Variants in ADAMTSL3 observed in about 807,000 individuals in gnomAD.
The protein encoded by ADAMTSL3 is ADAMTS like 3.
A neutral mutation model predicts 201.7 loss-of-function variants in ADAMTSL3; 128 were observed. That is an observed-to-expected ratio of 0.63 (90% CI 0.55 to 0.73). The LOEUF is 0.73. Among genes scored for constraint, ADAMTSL3 ranks in the 30% least tolerant of loss-of-function variants. The pLI is 0.00. For missense variants in ADAMTSL3, 1,990 were observed against 2,119.6 expected (o/e 0.94, Z 1.20); for synonymous variants, 738 against 748.4 (o/e 0.99, Z 0.23).
chr15:83,950,338 G>T (rs1039609848), intron 19 of ADAMTSL3, among the ~76,000 whole-genome samples: 3 of 151,916 alleles, frequency 2.0e-5, no homozygotes, highest in Non-Finnish European at 4.4e-5. Flanking sequence ...TTATCTCTGG[G>T]ATCTCTACTC....
intron 27 of ADAMTSL3, among the ~76,000 whole-genome samples, chr15:84,029,953 G>A (rs1169821223): frequency 1.3e-5 from 2 of 152,258 alleles, no homozygotes; most frequent in African/African-American, 2.4e-5. Flanking sequence ...TACACATGGT[G>A]TTGGGCCTGC....
At chr15:83,846,500 G>A (rs1196533547) in intron 7 of ADAMTSL3, among the ~76,000 whole-genome samples, 2 of 152,238 alleles carry the variant, frequency 1.3e-5, no homozygotes, top group Non-Finnish European at 2.9e-5. Context: ...AACAAAGATA[G>A]CACAGAAATG....
chr15:84,037,781 G>A lies in ADAMTSL3; in HGVS notation c.5051G>A (p.Cys1684Tyr). The A allele has an allele frequency of 6.2e-7, 1 of 1,613,938 alleles. No individual in the cohort carries two copies. The highest frequency in any genetic ancestry group is 8.5e-7 in the Non-Finnish European group (1 of 1,179,964). The change falls in exon 30 of 30, where the codon TGC becomes TAC. Residue 1684 changes from cysteine (C) to tyrosine (Y), a missense_variant. Coordinates refer to ENST00000286744, the MANE Select transcript of ADAMTSL3 (RefSeq NM_207517.3). ...TCTCTAGACCGCTACAAACAAAGGT[G>A]CTGCCAGTCATGTCAAGAGGGATAA... ...LCSLDRYKQR[C>Y]CQSCQEG
At position 83,980,903 on chromosome 15, in the gene ADAMTSL3, C is replaced by T. The variant is rs548794221; in HGVS notation, c.2645-1370C>T. On this transcript the variant is annotated intron_variant, in intron 20 of 29. Coordinates refer to ENST00000286744, the MANE Select transcript of ADAMTSL3 (RefSeq NM_207517.3). ...GTACCAGTAAACACACTGTAGCCAG[C>T]GCCAAGGGCCTGAGAAGGCTATGAA... 2.0e-5 allele frequency among the ~76,000 whole-genome samples: 3 copies of T among 152,294 alleles called. No individual in the cohort carries two copies. In the South Asian group the frequency reaches 6.2e-4, roughly 32 times the overall value.
At chr15:83,952,659 C>T (rs369660998) in intron 19 of ADAMTSL3, among the ~76,000 whole-genome samples, 24 of 151,942 alleles carry the variant, frequency 1.6e-4, no homozygotes, top group Admixed American at 1.2e-3. Context: ...TGTCATATCC[C>T]GCCAGGCGTG....
intron 3 of ADAMTSL3, among the ~76,000 whole-genome samples, chr15:83,736,176 G>A (rs1379923760): frequency 1.3e-5 from 2 of 152,126 alleles, no homozygotes; most frequent in African/African-American, 4.8e-5. Context: ...GATTACACTG[G>A]ATTTTTCTGT....
intron 3 of ADAMTSL3, among the ~76,000 whole-genome samples, chr15:83,747,776 A>G (rs928681235): frequency 1.3e-5 from 2 of 152,010 alleles, no homozygotes; most frequent in African/African-American, 2.4e-5. Flanking sequence ...CCAAACATCC[A>G]TTGCTCTCTG....
intron 21 of ADAMTSL3, among the ~76,000 whole-genome samples, chr15:83,986,261 G>A (rs2067473250): frequency 6.6e-6 from 1 of 152,188 alleles, no homozygotes; most frequent in East Asian, 1.9e-4. Flanking sequence ...CAAGGTTGAA[G>A]TGATCTGTTG....
chr15:83,983,158 CTGTTCTCA>C lies in ADAMTSL3; in HGVS notation c.3533_3540del (p.Val1178GlufsTer11). On this transcript the variant is annotated frameshift_variant, in exon 21 of 30. Coordinates refer to ENST00000286744, the MANE Select transcript of ADAMTSL3 (RefSeq NM_207517.3). LOFTEE classifies it high-confidence loss of function. ...AAGCTGACATTCAAGCCGAAAGGAC[CTGTTCTCA>C]TGAGGCAAAGCCAACCTCCCTCAAT... 1 of 1,613,776 alleles carries C rather than the reference CTGTTCTCA, an allele frequency of 6.2e-7. No homozygotes were observed. Among genetic ancestry groups the C allele is most frequent in the East Asian group, 2.2e-5 (1 of 44,872 alleles).
chr15:83,985,113 A>G (rs150544270), intron 21 of ADAMTSL3, among the ~76,000 whole-genome samples: 20 of 152,306 alleles, frequency 1.3e-4, no homozygotes, highest in African/African-American at 4.3e-4. Context: ...TTTTAACACC[A>G]TACATTGGTC....
chr15:84,007,218 A>G (rs1036326809), intron 23 of ADAMTSL3, among the ~76,000 whole-genome samples: 6 of 152,124 alleles, frequency 3.9e-5, no homozygotes, highest in African/African-American at 1.4e-4. Flanking sequence ...GGTTGTTTTC[A>G]TACCTTAGTT....
At chr15:83,933,866 G>A (rs953485545) in intron 17 of ADAMTSL3, among the ~76,000 whole-genome samples, 1 of 152,228 alleles carries the variant, frequency 6.6e-6, no homozygotes, top group Non-Finnish European at 1.5e-5. Flanking sequence ...TGGCTTCCAC[G>A]TGGTGTTGGG....
At chr15:83,858,944 A>T (rs1211895885) in intron 8 of ADAMTSL3, 104 bp downstream of exon 8, 2 of 964,846 alleles carry the variant, frequency 2.1e-6, no homozygotes, top group African/African-American at 3.4e-5. Context: ...AAGCAAAAAA[A>T]CTTTCTCTAA....
chr15:84,006,918 G>C (rs1294146623), intron 23 of ADAMTSL3, among the ~76,000 whole-genome samples: 2 of 152,206 alleles, frequency 1.3e-5, no homozygotes, highest in African/African-American at 4.8e-5. Context: ...GTGCCTGTGG[G>C]ACATGTTGTG....
chr15:83,683,967 T>C (rs1166808459), intron 2 of ADAMTSL3, among the ~76,000 whole-genome samples: 1 of 152,230 alleles, frequency 6.6e-6, no homozygotes, highest in East Asian at 1.9e-4. Context: ...ACATTTATGT[T>C]TTCTCCCTTG....
chr15:83,885,233 A>G (rs760989770), intron 10 of ADAMTSL3, 21 bp downstream of exon 10: 6 of 1,555,018 alleles, frequency 3.9e-6, no homozygotes, highest in African/African-American at 1.4e-5. Flanking sequence ...GGCTTTGTTC[A>G]TGAATATTTA....
chr15:83,665,210 G>A (rs2061232958), intron 2 of ADAMTSL3, among the ~76,000 whole-genome samples: 1 of 152,120 alleles, frequency 6.6e-6, no homozygotes. Context: ...TGATTACATG[G>A]GCTTGAGAGA....
At chr15:84,017,352 C>G (rs1036665250) in intron 25 of ADAMTSL3, among the ~76,000 whole-genome samples, 1 of 152,152 alleles carries the variant, frequency 6.6e-6, no homozygotes, top group Non-Finnish European at 1.5e-5. Context: ...CTCCTGACCT[C>G]GTGATCCGCC....
At chr15:83,837,665 C>T (rs75340111) in intron 6 of ADAMTSL3, among the ~76,000 whole-genome samples, 4,613 of 151,480 alleles carry the variant, frequency 0.03, 94 homozygotes, top group Non-Finnish European at 0.046. Context: ...TGTGACTCAA[C>T]CTCCCAGGCT....
Sources: allele counts gnomAD v4.1 joint callset (sites outside exome capture counted in the v4.1 genomes callset), GRCh38; gene constraint gnomAD v4.1.1; transcripts MANE v1.5; gene names NCBI Gene and HGNC (gene_info 2026-07-23, HGNC 2026-07-21).